Variants in FRMD6 observed in about 807,000 individuals in gnomAD.
FRMD6 encodes the protein FERM domain-containing protein 6.
Under a neutral mutation model 73.2 loss-of-function variants are expected in FRMD6, and 37 were observed. The ratio of observed to expected loss-of-function variants is 0.51; its 90% confidence interval spans 0.39 to 0.66. The LOEUF is 0.66. Ranked by LOEUF, FRMD6 falls within the 30% of genes least tolerant of loss-of-function variation. FRMD6 has a pLI of 0.00. For synonymous variants in FRMD6, 273 were observed against 282.2 expected, an observed-to-expected ratio of 0.97 and a Z score of 0.33; for missense variants, 714 against 780.5, an observed-to-expected ratio of 0.91 and a Z score of 1.02.
chr14:51,542,430 A>C (rs74707486), intron 1 of FRMD6, among the ~76,000 whole-genome samples: 2,195 of 152,154 alleles, frequency 0.014, 51 homozygotes, highest in African/African-American at 0.05. Context: ...AATGTTTTCA[A>C]GATTCATCCA....
the FRMD6 span, among the ~76,000 whole-genome samples, chr14:51,472,453 G>A: frequency 6.6e-6 from 1 of 152,090 alleles, no homozygotes; most frequent in Non-Finnish European, 1.5e-5. Flanking sequence ...ACAGGCACCT[G>A]CCACCACGCC....
intron 1 of FRMD6, among the ~76,000 whole-genome samples, chr14:51,510,377 C>T (rs904796071): frequency 6.6e-6 from 1 of 152,218 alleles, no homozygotes; most frequent in Non-Finnish European, 1.5e-5. Flanking sequence ...TTCACCTGTT[C>T]ATGCCTCCCT....
At chr14:51,526,867 A>G (rs1596540707) in intron 1 of FRMD6, among the ~76,000 whole-genome samples, 1 of 152,212 alleles carries the variant, frequency 6.6e-6, no homozygotes, top group South Asian at 2.1e-4. Context: ...ACCTCAGTAA[A>G]GTCTTCCTAA....
At chr14:51,498,233 G>GT (rs1190147797) in intron 1 of FRMD6, among the ~76,000 whole-genome samples, 1 of 152,208 alleles carries the variant, frequency 6.6e-6, no homozygotes, top group African/African-American at 2.4e-5. Flanking sequence ...ATCAGGTACA[G>GT]TTTTTGCTTT....
At chr14:51,487,739 T>C (rs1311278037), upstream of FRMD6, among the ~76,000 whole-genome samples, 1 of 152,214 alleles carries the variant, frequency 6.6e-6, no homozygotes, top group Non-Finnish European at 1.5e-5. Flanking sequence ...TTGACATCTC[T>C]CTGCTATGCA....
chr14:51,547,923 T>A (rs982723773), intron 1 of FRMD6: 17 of 151,246 alleles, frequency 1.1e-4, no homozygotes, highest in African/African-American at 4.1e-4. Context: ...TCTTTTGTAA[T>A]TGAACTAGAA....
chr14:51,606,751 G>A (rs979939533), intron 2 of FRMD6, among the ~76,000 whole-genome samples: 4 of 152,106 alleles, frequency 2.6e-5, no homozygotes, highest in South Asian at 2.1e-4. Flanking sequence ...ACCGTGACAC[G>A]CCATACACAA....
chr14:51,507,042 A>G (rs1229385087), intron 1 of FRMD6, among the ~76,000 whole-genome samples: 2 of 151,198 alleles, frequency 1.3e-5, no homozygotes, highest in East Asian at 3.9e-4. Flanking sequence ...ACACCGTTCT[A>G]TATTTTCTGA....
intron 1 of FRMD6, among the ~76,000 whole-genome samples, chr14:51,527,213 T>C (rs115668157): frequency 0.033 from 5,104 of 152,378 alleles, 284 homozygotes; most frequent in African/African-American, 0.12. Context: ...TTAAATAATC[T>C]CATTGGCAAA....
intron 2 of FRMD6, among the ~76,000 whole-genome samples, chr14:51,633,767 T>G (rs1891434398): frequency 1.3e-5 from 2 of 152,174 alleles, no homozygotes; most frequent in South Asian, 4.1e-4. Context: ...TATAAGTTCC[T>G]TAGAGTGGAA....
At chr14:51,639,234 G>C (rs1054333581) in intron 2 of FRMD6, among the ~76,000 whole-genome samples, 1 of 152,068 alleles carries the variant, frequency 6.6e-6, no homozygotes, top group African/African-American at 2.4e-5. Flanking sequence ...AGGAGATCGA[G>C]ACCATGCTGA....
chr14:51,678,717 A>T (rs1293965614), intron 1 of FRMD6, among the ~76,000 whole-genome samples: 1 of 152,056 alleles, frequency 6.6e-6, no homozygotes, highest in African/African-American at 2.4e-5. Flanking sequence ...CCAGTCCTCC[A>T]TGGGGAGCAG....
the FRMD6 span, among the ~76,000 whole-genome samples, chr14:51,423,338 G>T: frequency 6.6e-6 from 1 of 152,154 alleles, no homozygotes; most frequent in African/African-American, 2.4e-5. Context: ...CTGTCTGAAG[G>T]ATCCACGCAC....
chr14:51,519,204 G>T (rs1458126112), intron 1 of FRMD6, among the ~76,000 whole-genome samples: 1 of 122,578 alleles, frequency 8.2e-6, no homozygotes. Flanking sequence ...TCACTCTGTC[G>T]CCCAGGCTGG....
chr14:51,487,883 G>T (rs1290872974), upstream of FRMD6, among the ~76,000 whole-genome samples: 1 of 152,176 alleles, frequency 6.6e-6, no homozygotes, highest in East Asian at 1.9e-4. Context: ...GAAGTAGGAA[G>T]AAATTCATAT....
chr14:51,666,639 A>G (rs1893613273), intron 1 of FRMD6, among the ~76,000 whole-genome samples: 1 of 152,238 alleles, frequency 6.6e-6, no homozygotes, highest in Non-Finnish European at 1.5e-5. Flanking sequence ...GAATGTAAAA[A>G]TTTAACCTTA....
chr14:51,556,774 C>T (rs549950374), intron 1 of FRMD6, among the ~76,000 whole-genome samples: 1 of 152,270 alleles, frequency 6.6e-6, no homozygotes, highest in Admixed American at 6.5e-5. Flanking sequence ...AGCTCACCAC[C>T]TAGTTCTTTC....
upstream of FRMD6, chr14:51,650,385 A>C (rs1385518925): frequency 6.9e-6 from 1 of 145,480 alleles, no homozygotes; most frequent in Non-Finnish European, 1.5e-5. Flanking sequence ...TGAAAAGAGC[A>C]GGGCAGTTTT....
chr14:51,448,701 G>A, the FRMD6 span, among the ~76,000 whole-genome samples: 1 of 152,346 alleles, frequency 6.6e-6, no homozygotes, highest in African/African-American at 2.4e-5. Context: ...TCAGGCAGAA[G>A]CATGTGACAC....
Sources: allele counts gnomAD v4.1 joint callset (sites outside exome capture counted in the v4.1 genomes callset), GRCh38; gene constraint gnomAD v4.1.1; transcripts MANE v1.5; gene names NCBI Gene and HGNC (gene_info 2026-07-23, HGNC 2026-07-21).